Variants in NUMB observed in about 807,000 individuals in gnomAD.
The protein encoded by NUMB is NUMB endocytic adaptor protein.
In NUMB, 29 loss-of-function variants were observed where a neutral mutation model predicts 59.7. The observed-to-expected ratio is 0.49, with a 90% CI of 0.36 to 0.66. The LOEUF is 0.66. Among genes scored for constraint, NUMB ranks in the 30% least tolerant of loss-of-function variants. The pLI, the probability that NUMB is intolerant of heterozygous loss-of-function variation, is 0.00. For synonymous variants in NUMB, 288 were observed against 288.2 expected (o/e 1.00, Z 0.01); for missense variants, 723 against 822.0 (o/e 0.88, Z 1.47).
chr14:73,350,173 CTTTTTTTTT>C (rs552677993), intron 4 of NUMB, among the ~76,000 whole-genome samples: 5 of 121,736 alleles, frequency 4.1e-5, no homozygotes, highest in East Asian at 4.5e-4. Flanking sequence ...AACTAGGTGT[CTTTTTTTTT>C]TTTTTTTTTG....
intron 2 of NUMB, among the ~76,000 whole-genome samples, chr14:73,403,693 C>A (rs891935893): frequency 6.6e-6 from 1 of 151,674 alleles, no homozygotes; most frequent in East Asian, 1.9e-4. Context: ...TGGTGGCTCA[C>A]GCCTGTAATC....
intron 4 of NUMB, among the ~76,000 whole-genome samples, chr14:73,333,928 G>A (rs554435208): frequency 1.2e-3 from 186 of 151,266 alleles, no homozygotes; most frequent in Non-Finnish European, 2.3e-3. Context: ...GCAGTGGCGC[G>A]ATCTCAGCTC....
At chr14:73,306,477 C>A (rs949552461) in intron 6 of NUMB, among the ~76,000 whole-genome samples, 3 of 152,218 alleles carry the variant, frequency 2.0e-5, no homozygotes, top group African/African-American at 7.2e-5. Flanking sequence ...CATCCATGAA[C>A]GAAATCTGGG....
chr14:73,387,061 T>A (rs1353622923), intron 2 of NUMB, among the ~76,000 whole-genome samples: 1 of 151,026 alleles, frequency 6.6e-6, no homozygotes, highest in Non-Finnish European at 1.5e-5. Flanking sequence ...TTTTTGTATT[T>A]TTAGTAGAGA....
chr14:73,367,344 TATATAGAG>T (rs916545609), intron 2 of NUMB, among the ~76,000 whole-genome samples: 30 of 84,152 alleles, frequency 3.6e-4, no homozygotes, highest in South Asian at 1.3e-3. Context: ...TATATATATA[TATATAGAG>T]AGAGAGAGAG....
At chr14:73,314,715 CT>C (rs1013876817) in intron 6 of NUMB, among the ~76,000 whole-genome samples, 1 of 151,966 alleles carries the variant, frequency 6.6e-6, no homozygotes, top group African/African-American at 2.4e-5. Context: ...GACGCCTTAT[CT>C]TATATAGCTT....
intron 3 of NUMB, among the ~76,000 whole-genome samples, chr14:73,366,169 C>T (rs922735990): frequency 4.6e-5 from 7 of 152,176 alleles, no homozygotes; most frequent in Non-Finnish European, 1.0e-4. Context: ...ATGTTAGGCT[C>T]AATGGGTACT....
chr14:73,381,554 C>T (rs12884658), intron 2 of NUMB, among the ~76,000 whole-genome samples: 2 of 152,138 alleles, frequency 1.3e-5, no homozygotes, highest in African/African-American at 2.4e-5. Flanking sequence ...CAGAGCTCTG[C>T]TCAAATATTA....
chr14:73,342,782 C>A (rs1434188304), intron 4 of NUMB, among the ~76,000 whole-genome samples: 2 of 152,182 alleles, frequency 1.3e-5, no homozygotes, highest in Non-Finnish European at 2.9e-5. Flanking sequence ...ACTCTCAGAA[C>A]ACTTGCACAC....
At chr14:73,307,376 A>AT (rs1890504525) in intron 6 of NUMB, among the ~76,000 whole-genome samples, 1 of 151,016 alleles carries the variant, frequency 6.6e-6, no homozygotes, top group Non-Finnish European at 1.5e-5. Flanking sequence ...TGGTGTTTGG[A>AT]TTTTTTAAGA....
At position 73,387,445 on chromosome 14, in the gene NUMB, G is replaced by C. The variant is rs140994137; in HGVS notation, c.-100-20464C>G. On this transcript the variant is annotated intron_variant, in intron 2 of 12. Coordinates refer to ENST00000555238, the MANE Select transcript of NUMB (RefSeq NM_001005743.2). ...AAGGATATTGAAGTGCTACAAGGGA[G>C]TCCTTTTGTAAAAAACCTCACAAAA... Among the ~76,000 whole-genome samples, 10 of 152,260 alleles carry C rather than the reference G, an allele frequency of 6.6e-5. No individual in the cohort carries two copies. The East Asian group carries it at 1.7e-3, about 26-fold the overall frequency.
At chr14:73,372,163 G>A (rs966347539) in intron 2 of NUMB, among the ~76,000 whole-genome samples, 1 of 151,344 alleles carries the variant, frequency 6.6e-6, no homozygotes, top group African/African-American at 2.4e-5. Flanking sequence ...AACTTGGGAG[G>A]TGGAGGGTGC....
intron 4 of NUMB, among the ~76,000 whole-genome samples, chr14:73,326,176 A>G (rs1891651022): frequency 1.3e-5 from 2 of 152,220 alleles, no homozygotes; most frequent in African/African-American, 2.4e-5. Context: ...GCAGCTGCAC[A>G]GGTAAGAATC....
chr14:73,391,571 G>A (rs1199729999), intron 2 of NUMB, among the ~76,000 whole-genome samples: 2 of 152,062 alleles, frequency 1.3e-5, no homozygotes, highest in Non-Finnish European at 2.9e-5. Context: ...CCATGATAAA[G>A]GTCAGTGGTT....
intron 1 of NUMB, among the ~76,000 whole-genome samples, chr14:73,443,738 C>T (rs1883257482): frequency 6.6e-6 from 1 of 152,070 alleles, no homozygotes; most frequent in Non-Finnish European, 1.5e-5. Context: ...GCAACCACTA[C>T]CTACCGGGTT....
chr14:73,398,176 G>C (rs1231557996), intron 2 of NUMB, among the ~76,000 whole-genome samples: 1 of 151,916 alleles, frequency 6.6e-6, no homozygotes, highest in Non-Finnish European at 1.5e-5. Flanking sequence ...ATTGTTAACG[G>C]AAAAAAATCA....
At chr14:73,344,526 G>C (rs934919268) in intron 4 of NUMB, among the ~76,000 whole-genome samples, 1 of 152,152 alleles carries the variant, frequency 6.6e-6, no homozygotes. Flanking sequence ...TGGTTTAAGC[G>C]GTAAACACAT....
At chr14:73,434,358 C>T (rs1421686746) in intron 1 of NUMB, among the ~76,000 whole-genome samples, 2 of 152,140 alleles carry the variant, frequency 1.3e-5, no homozygotes, top group Admixed American at 6.6e-5. Flanking sequence ...CAGGAGTTAT[C>T]ATGAGGATTA....
chr14:73,324,026 C>G (rs1891537728), intron 4 of NUMB, among the ~76,000 whole-genome samples: 1 of 152,168 alleles, frequency 6.6e-6, no homozygotes, highest in Non-Finnish European at 1.5e-5. Flanking sequence ...CTGAAGCTCT[C>G]TTATCTGCCC....
Sources: allele counts gnomAD v4.1 joint callset (sites outside exome capture counted in the v4.1 genomes callset), GRCh38; gene constraint gnomAD v4.1.1; transcripts MANE v1.5; gene names NCBI Gene and HGNC (gene_info 2026-07-23, HGNC 2026-07-21).